Variants in CDH12 observed in about 807,000 individuals in gnomAD.
The protein encoded by CDH12 is cadherin 12, also known as cadherin-12.
CDH12 carries 41 observed loss-of-function variants against 74.1 expected under a neutral mutation model. That is an observed-to-expected ratio of 0.55 (90% confidence interval 0.43 to 0.72). The LOEUF (loss-of-function observed/expected upper bound fraction) is 0.72, where lower values mean the gene tolerates loss of function less well. Ranked by LOEUF, CDH12 falls within the 30% of genes least tolerant of loss-of-function variation. The pLI, the probability that CDH12 is intolerant of heterozygous loss-of-function variation, is 0.00. For synonymous variants in CDH12, 399 were observed against 355.0 expected (o/e 1.12, Z -1.39); for missense variants, 945 against 977.2 (o/e 0.97, Z 0.44).
intron 8 of CDH12, among the ~76,000 whole-genome samples, chr5:21,832,915 T>C (rs1749140349): frequency 1.8e-5 from 1 of 57,044 alleles, no homozygotes. Context: ...TATGATATAA[T>C]ATTAATATAT....
At chr5:22,249,535 C>A (rs1233313750) in intron 3 of CDH12, among the ~76,000 whole-genome samples, 1 of 152,160 alleles carries the variant, frequency 6.6e-6, no homozygotes, top group African/African-American at 2.4e-5. Flanking sequence ...CCTCAAGGAG[C>A]TGGTTTACTT....
intron 4 of CDH12, among the ~76,000 whole-genome samples, chr5:22,100,243 CCT>C (rs1459375090): frequency 1.6e-4 from 24 of 151,988 alleles, no homozygotes; most frequent in African/African-American, 5.8e-4. Context: ...TGTATGCATC[CCT>C]GATTCTAAAC....
chr5:22,108,442 A>C (rs568246726), intron 4 of CDH12, among the ~76,000 whole-genome samples: 1 of 152,368 alleles, frequency 6.6e-6, no homozygotes, highest in Non-Finnish European at 1.5e-5. Context: ...TATGATACTC[A>C]TAAGGAAAAG....
At chr5:22,431,613 C>T (rs1184875028) in intron 2 of CDH12, among the ~76,000 whole-genome samples, 2 of 152,184 alleles carry the variant, frequency 1.3e-5, no homozygotes, top group East Asian at 3.9e-4. Context: ...CACAAGAAGG[C>T]ATTGTTATCA....
chr5:21,907,346 GA>G (rs1753685883), intron 6 of CDH12, among the ~76,000 whole-genome samples: 1 of 152,102 alleles, frequency 6.6e-6, no homozygotes, highest in African/African-American at 2.4e-5. Flanking sequence ...GAGAATGGGG[GA>G]TAATTTTCTC....
chr5:22,319,138 A>G lies in CDH12; in HGVS notation c.-333+86119T>C, dbSNP rs182184402. ...TACTTAGATTTTTAGATTTAAAGCA[A>G]ATCAAGAAATATTTTAGAGATGTTA... On this transcript the variant is annotated intron_variant, in intron 3 of 14. Coordinates refer to ENST00000382254, the MANE Select transcript of CDH12 (RefSeq NM_004061.5). 1.3e-4 allele frequency among the ~76,000 whole-genome samples: 20 copies of G among 152,330 alleles called. No individual in the cohort carries two copies. In the East Asian group the frequency reaches 3.9e-3, roughly 29 times the overall value.
At chr5:22,546,352 G>A (rs889204513) in intron 1 of CDH12, among the ~76,000 whole-genome samples, 2 of 152,158 alleles carry the variant, frequency 1.3e-5, no homozygotes, top group Non-Finnish European at 2.9e-5. Flanking sequence ...AGTATAAATT[G>A]CAAAAGCAAT....
rs1292174146 is a variant in CDH12, at chr5:22,505,360, C to A, written c.-518G>T. 3 of 976,158 alleles carry A rather than the reference C, an allele frequency of 3.1e-6. No homozygotes were observed. The highest frequency in any genetic ancestry group is 3.5e-5 in the African/African-American group (2 of 57,010). 60.5% of individuals were successfully genotyped at this position (976,158 alleles called of 1,614,324 possible). On this transcript the variant is annotated 5_prime_UTR_variant, in exon 2 of 15. Transcript: ENST00000382254. ...CCAAAAGAGCCAAGCTGTTAGGTAA[C>A]AAAGCTGGAAAGACAAACATATACA...
At chr5:22,766,606 A>G (rs1746527726) in intron 1 of CDH12, among the ~76,000 whole-genome samples, 1 of 152,112 alleles carries the variant, frequency 6.6e-6, no homozygotes, top group Admixed American at 6.6e-5. Context: ...AAGAGACTTC[A>G]GCTTAATATG....
At chr5:22,602,247 T>G (rs1736886375) in intron 1 of CDH12, among the ~76,000 whole-genome samples, 1 of 152,114 alleles carries the variant, frequency 6.6e-6, no homozygotes, top group Admixed American at 6.6e-5. Flanking sequence ...CACGGAGTTT[T>G]ATTCAACCAA....
chr5:22,203,051 A>G lies in CDH12; in HGVS notation c.-187+9447T>C, dbSNP rs1485266609. ...ATAGGTATACGATGTGTAATAATCA[A>G]GTTAGGGCAATTAGCATATCCATCA... is the stretch of plus-strand genomic sequence containing the variant. On this transcript the variant is annotated intron_variant, in intron 4 of 14. Transcript: ENST00000382254. Among the ~76,000 whole-genome samples, 20 of 152,038 alleles carry G rather than the reference A, an allele frequency of 1.3e-4. 1 individual carries two copies.
At chr5:22,547,875 G>T (rs542271393) in intron 1 of CDH12, among the ~76,000 whole-genome samples, 1 of 152,018 alleles carries the variant, frequency 6.6e-6, no homozygotes, top group Admixed American at 6.6e-5. Context: ...TCAGTCTCTC[G>T]AGCACTATTT....
At chr5:22,367,302 A>T (rs1338394099) in intron 3 of CDH12, among the ~76,000 whole-genome samples, 2 of 152,158 alleles carry the variant, frequency 1.3e-5, no homozygotes. Context: ...TGGAGAGTTA[A>T]AGTGTTGGTG....
At chr5:22,673,287 T>G (rs2126917383) in intron 1 of CDH12, among the ~76,000 whole-genome samples, 1 of 152,308 alleles carries the variant, frequency 6.6e-6, no homozygotes, top group East Asian at 1.9e-4. Context: ...CTATTACAAT[T>G]TTAAGTAGAG....
chr5:22,214,278 T>C (rs1413503122), intron 3 of CDH12, among the ~76,000 whole-genome samples: 7 of 151,962 alleles, frequency 4.6e-5, no homozygotes. Flanking sequence ...GGTCTCTTGC[T>C]CCCTCAGCTG....
At chr5:22,681,347 A>C (rs1415743951) in intron 1 of CDH12, among the ~76,000 whole-genome samples, 1 of 151,362 alleles carries the variant, frequency 6.6e-6, no homozygotes, top group Non-Finnish European at 1.5e-5. Flanking sequence ...GGTAAACTTC[A>C]TTCTTAGCCA....
At chr5:22,185,267 T>C (rs1183883593) in intron 4 of CDH12, among the ~76,000 whole-genome samples, 1 of 151,446 alleles carries the variant, frequency 6.6e-6, no homozygotes, top group African/African-American at 2.4e-5. Context: ...GGTGCAATCT[T>C]GGCTCACTGC....
chr5:22,533,140 T>C (rs1387685299), intron 1 of CDH12, among the ~76,000 whole-genome samples: 1 of 152,136 alleles, frequency 6.6e-6, no homozygotes, highest in African/African-American at 2.4e-5. Flanking sequence ...TTCTCCTGTA[T>C]CAGTGGTTCT....
intron 4 of CDH12, among the ~76,000 whole-genome samples, chr5:22,104,409 T>A (rs969619565): frequency 2.0e-5 from 3 of 150,400 alleles, no homozygotes; most frequent in Non-Finnish European, 4.4e-5. Context: ...AGATATTGCT[T>A]TATTTTAAGT....
Sources: gnomAD v4.1 joint callset for allele counts (sites outside exome capture counted in the v4.1 genomes callset) on GRCh38, gnomAD v4.1.1 for gene constraint, MANE v1.5 for transcripts, NCBI Gene and HGNC (gene_info 2026-07-23, HGNC 2026-07-21) for gene names.